NTM: variants seen among roughly 807,000 people sequenced by gnomAD.
NTM encodes IgLON family member 2.
A neutral mutation model predicts 42.1 loss-of-function variants in NTM; 13 were observed. The observed-to-expected ratio is 0.31, with a 90% CI of 0.20 to 0.49. NTM has a LOEUF of 0.49. Ranked by LOEUF, NTM falls within the 20% of genes least tolerant of loss-of-function variation. The pLI, the probability that NTM is intolerant of heterozygous loss-of-function variation, is 0.99. For missense variants in NTM, 373 were observed against 452.8 expected (o/e 0.82, Z 1.60); for synonymous variants, 187 against 179.2 (o/e 1.04, Z -0.35).
At chr11:131,552,538 G>A (rs1029718295) in intron 1 of NTM, among the ~76,000 whole-genome samples, 15 of 141,750 alleles carry the variant, frequency 1.1e-4, no homozygotes, top group African/African-American at 2.6e-4. Flanking sequence ...TCAAGAGGCC[G>A]AGCGCGGTGG....
chr11:131,651,928 G>A (rs892686786), intron 1 of NTM, among the ~76,000 whole-genome samples: 8 of 149,386 alleles, frequency 5.4e-5, no homozygotes, highest in African/African-American at 1.2e-4. Context: ...CAGCTCATCC[G>A]CTGTGCTGTT....
chr11:131,573,361 C>T lies in NTM; in HGVS notation c.82+202473C>T, dbSNP rs185945191. 3.6e-3 allele frequency among the ~76,000 whole-genome samples: 550 copies of T among 152,290 alleles called. 2 individuals are homozygous for T. Among genetic ancestry groups the T allele is most frequent in the Non-Finnish European group, 5.5e-3 (371 of 68,018 alleles). ...CTGTAGAAAGGAACAGATGAAAAGTCTTGCATAAAGTGCCTCACAGTAGAA... is the reference window on the plus strand; with the variant it reads ...CTGTAGAAAGGAACAGATGAAAAGTTTTGCATAAAGTGCCTCACAGTAGAA... On this transcript the variant is annotated intron_variant, in intron 1 of 8. Coordinates refer to ENST00000683400, the MANE Select transcript of NTM (RefSeq NM_001352005.2).
chr11:131,582,981 C>A (rs1475352681), intron 1 of NTM, among the ~76,000 whole-genome samples: 1 of 152,218 alleles, frequency 6.6e-6, no homozygotes. Context: ...GAAGGGATTT[C>A]TGTAGGACGA....
intron 1 of NTM, among the ~76,000 whole-genome samples, chr11:131,872,323 A>C (rs1276182302): frequency 1.3e-5 from 2 of 152,188 alleles, no homozygotes; most frequent in Non-Finnish European, 2.9e-5. Context: ...ATGGTTATGC[A>C]CAAGGAGAAA....
chr11:131,866,257 T>G (rs1337706136), intron 1 of NTM, among the ~76,000 whole-genome samples: 2 of 151,816 alleles, frequency 1.3e-5, no homozygotes, highest in Non-Finnish European at 2.9e-5. Flanking sequence ...TCTTTTTCCA[T>G]TCAGCCTTGT....
Position 131,911,551 on chromosome 11 carries a change from C to G in NTM, c.83-13C>G. On this transcript the variant is annotated splice_polypyrimidine_tract_variant and intron_variant, in intron 1 of 8. Transcript: ENST00000683400. ...GGTCGTGTCTCTCAGGCTGCTGTTC[C>G]TTGTACCCACAGGAGTGCCCGTGCG... is the stretch of plus-strand genomic sequence containing the variant. 1 of 1,614,174 alleles carries G rather than the reference C, an allele frequency of 6.2e-7. No homozygotes were observed. The highest frequency in any genetic ancestry group is 2.2e-5 in the East Asian group (1 of 44,866).
chr11:131,829,181 A>G (rs1322573938), intron 1 of NTM, among the ~76,000 whole-genome samples: 2 of 152,178 alleles, frequency 1.3e-5, no homozygotes, highest in Non-Finnish European at 2.9e-5. Context: ...GTCACTTAAA[A>G]AAAAAATGAT....
intron 2 of NTM, among the ~76,000 whole-genome samples, chr11:132,139,910 G>C (rs745846643): frequency 6.6e-6 from 1 of 152,186 alleles, no homozygotes; most frequent in African/African-American, 2.4e-5. Flanking sequence ...AATAAGACAT[G>C]ATCCTTGCTT....
At chr11:131,929,874 T>C (rs1293076069) in intron 2 of NTM, among the ~76,000 whole-genome samples, 3 of 152,224 alleles carry the variant, frequency 2.0e-5, no homozygotes, top group African/African-American at 7.2e-5. Context: ...GGTCCTGCGA[T>C]GGCTGAAATC....
At chr11:131,890,137 C>T (rs61901704) in intron 1 of NTM, among the ~76,000 whole-genome samples, 29 of 108,730 alleles carry the variant, frequency 2.7e-4, no homozygotes, top group South Asian at 8.5e-4. Context: ...CCTCTCTCTC[C>T]CTCTCTCTCT....
intron 2 of NTM, among the ~76,000 whole-genome samples, chr11:131,988,022 A>C (rs2135052420): frequency 6.6e-6 from 1 of 152,358 alleles, no homozygotes; most frequent in Middle Eastern, 3.4e-3. Context: ...TATTCCTCAC[A>C]GTCTGGAGGC....
At chr11:132,329,354 A>C (rs942446839) in intron 7 of NTM, among the ~76,000 whole-genome samples, 1 of 152,236 alleles carries the variant, frequency 6.6e-6, no homozygotes, top group Admixed American at 6.5e-5. Flanking sequence ...AAAGGTGGAG[A>C]GACTCCATAG....
rs549180692 is a variant in NTM at position 132,030,795 on chromosome 11, G to A, written c.168-115487G>A. On this transcript the variant is annotated intron_variant, in intron 2 of 8. Transcript: ENST00000683400. Reference sequence around the variant, plus strand: ...AGAAGAAGCAGGAGATGAGAGCAGAGAGATAGTGGGAAGCTAGATCACTGA... The same window carrying A: ...AGAAGAAGCAGGAGATGAGAGCAGAAAGATAGTGGGAAGCTAGATCACTGA... Among the ~76,000 whole-genome samples, 25 of 152,336 alleles carry A rather than the reference G, an allele frequency of 1.6e-4. No individual in the cohort carries two copies. In the South Asian group the frequency reaches 5.2e-3, roughly 32 times the overall value.
chr11:131,732,886 T>C (rs1486565536), intron 1 of NTM, among the ~76,000 whole-genome samples: 4 of 152,198 alleles, frequency 2.6e-5, no homozygotes, highest in Non-Finnish European at 4.4e-5. Context: ...AGTATTTTTA[T>C]TGATTTTGTT....
intron 2 of NTM, among the ~76,000 whole-genome samples, chr11:132,060,940 T>C (rs1246525207): frequency 6.6e-6 from 1 of 152,250 alleles, no homozygotes; most frequent in East Asian, 1.9e-4. Context: ...TTTTGCTATG[T>C]TGAAAAAATA....
intron 1 of NTM, among the ~76,000 whole-genome samples, chr11:131,765,407 C>T (rs2084940446): frequency 1.3e-5 from 2 of 152,220 alleles, no homozygotes; most frequent in Non-Finnish European, 2.9e-5. Flanking sequence ...ACCCCCATCT[C>T]TCTAGGGCCT....
chr11:131,840,595 T>C (rs1410711908), intron 1 of NTM, among the ~76,000 whole-genome samples: 1 of 152,220 alleles, frequency 6.6e-6, no homozygotes, highest in Non-Finnish European at 1.5e-5. Flanking sequence ...CATGAGTTTT[T>C]TCTTTCTACA....
chr11:131,794,913 G>A, intron 1 of NTM: 1 of 985,234 alleles, frequency 1.0e-6, no homozygotes, highest in Non-Finnish European at 1.2e-6. Context: ...GGGAGTGTTG[G>A]GTAACCAAGG....
At chr11:131,969,804 G>A (rs186658962) in intron 2 of NTM, among the ~76,000 whole-genome samples, 2 of 152,270 alleles carry the variant, frequency 1.3e-5, no homozygotes, top group Admixed American at 6.5e-5. Flanking sequence ...TAAAGAAAGA[G>A]CGATGATAAA....
Sources: gnomAD v4.1 joint callset for allele counts (sites outside exome capture counted in the v4.1 genomes callset) on GRCh38, gnomAD v4.1.1 for gene constraint, MANE v1.5 for transcripts, NCBI Gene and HGNC (gene_info 2026-07-23, HGNC 2026-07-21) for gene names.